VTI1A: variants seen among roughly 807,000 people sequenced by gnomAD.
The protein encoded by VTI1A is vesicle transport through interaction with t-SNAREs 1A, also known as vesicle transport through interaction with t-SNAREs homolog 1A.
Under a neutral mutation model 34.9 loss-of-function variants are expected in VTI1A, and 22 were observed. That is an observed-to-expected ratio of 0.63 (90% CI 0.45 to 0.90). The LOEUF (loss-of-function observed/expected upper bound fraction) is 0.90. VTI1A is among the 40% of genes least tolerant of loss of function. The pLI is 0.00. For missense variants in VTI1A, 268 were observed against 275.6 expected (o/e 0.97, Z 0.20); for synonymous variants, 87 against 97.3 (o/e 0.89, Z 0.62).
intron 5 of VTI1A, among the ~76,000 whole-genome samples, chr10:112,588,709 T>C (rs917759091): frequency 6.6e-6 from 1 of 152,216 alleles, no homozygotes; most frequent in African/African-American, 2.4e-5. Flanking sequence ...TTATTGGCCT[T>C]GCAAGCCCGT....
chr10:112,798,608 A>G lies in VTI1A; in HGVS notation c.561-16682A>G, dbSNP rs897943511. On this transcript the variant is annotated intron_variant, in intron 7 of 7. Transcript: ENST00000393077. ...AATACAGGACCTGAGAGAGTGATCA[A>G]AGGCCACACTACTCCTTGGCAACTA... is the stretch of plus-strand genomic sequence containing the variant. Among the ~76,000 whole-genome samples, 8 of 152,246 alleles carry G rather than the reference A, an allele frequency of 5.3e-5. No individual in the cohort carries two copies. The East Asian group carries it at 1.5e-3, about 29-fold the overall frequency.
chr10:112,625,853 G>A (rs1290863788), intron 5 of VTI1A, among the ~76,000 whole-genome samples: 2 of 151,754 alleles, frequency 1.3e-5, no homozygotes, highest in African/African-American at 4.8e-5. Context: ...CACCACTAAG[G>A]AACTTACTCA....
Position 112,527,049 on chromosome 10 carries a change from G to A in VTI1A, c.265-38G>A, listed in dbSNP as rs752313951. 1.9e-5 allele frequency: 30 copies of A among 1,600,766 alleles called. No individual in the cohort carries two copies. In the Admixed American group the frequency reaches 2.7e-4, roughly 14 times the overall value. ...AGCTTGGAAGCTTTTACTTTCTAAC[G>A]TTCCTCTCACTCTCTCCCTTTTTGT... On this transcript the variant is annotated intron_variant, in intron 3 of 7. Transcript: ENST00000393077.
chr10:112,585,152 A>C (rs1018495511), intron 5 of VTI1A, among the ~76,000 whole-genome samples: 3 of 152,210 alleles, frequency 2.0e-5, no homozygotes, highest in Non-Finnish European at 2.9e-5. Context: ...ACAGAAGAAA[A>C]TGTATGCTAC....
chr10:112,485,821 A>G (rs567771563), intron 3 of VTI1A, among the ~76,000 whole-genome samples: 29 of 152,296 alleles, frequency 1.9e-4, no homozygotes, highest in Admixed American at 8.5e-4. Flanking sequence ...GCCTGTTACC[A>G]TTACTGTTTC....
chr10:112,599,854 C>T lies in VTI1A; in HGVS notation c.427+61524C>T, dbSNP rs7094276. On this transcript the variant is annotated intron_variant, in intron 5 of 7. Transcript: ENST00000393077. ...TCGGCTTCCCAAAGTGCTGGGACTA[C>T]AGGCGTGAGCCACAGTGCCCAGCCC... Among the ~76,000 whole-genome samples the T allele has an allele frequency of 6.2e-3, 938 of 152,296 alleles. 14 individuals are homozygous for T. The highest frequency in any genetic ancestry group is 0.022 in the African/African-American group (904 of 41,554).
intron 7 of VTI1A, among the ~76,000 whole-genome samples, chr10:112,734,798 G>A (rs1409313291): frequency 2.6e-5 from 4 of 151,942 alleles, no homozygotes; most frequent in Non-Finnish European, 5.9e-5. Context: ...GATTACAGGC[G>A]CCTGCCACCA....
At chr10:112,487,362 G>T (rs1848677103) in intron 3 of VTI1A, among the ~76,000 whole-genome samples, 1 of 152,156 alleles carries the variant, frequency 6.6e-6, no homozygotes, top group East Asian at 1.9e-4. Flanking sequence ...GACCTCAAAT[G>T]ATCCACCTGC....
At chr10:112,747,665 TC>T in intron 7 of VTI1A, among the ~76,000 whole-genome samples, 1 of 152,288 alleles carries the variant, frequency 6.6e-6, no homozygotes, top group East Asian at 1.9e-4. Flanking sequence ...TATGTATTGG[TC>T]CCCGAAAGGC....
At chr10:112,542,020 A>T (rs772763598) in intron 5 of VTI1A, among the ~76,000 whole-genome samples, 5 of 152,152 alleles carry the variant, frequency 3.3e-5, no homozygotes, top group African/African-American at 4.8e-5. Flanking sequence ...TACTATTAAT[A>T]GTCAGATATG....
intron 7 of VTI1A, among the ~76,000 whole-genome samples, chr10:112,746,736 A>G (rs1195503393): frequency 6.6e-6 from 1 of 152,196 alleles, no homozygotes; most frequent in African/African-American, 2.4e-5. Flanking sequence ...AATGGAAAAA[A>G]TTCCTAGGGA....
intron 7 of VTI1A, among the ~76,000 whole-genome samples, chr10:112,813,525 G>A (rs1349530840): frequency 6.6e-6 from 1 of 152,208 alleles, no homozygotes; most frequent in African/African-American, 2.4e-5. Context: ...GGGCAAATGG[G>A]ATGTGTAGGG....
intron 3 of VTI1A, among the ~76,000 whole-genome samples, chr10:112,468,779 G>A (rs1847986157): frequency 6.6e-6 from 1 of 152,102 alleles, no homozygotes; most frequent in South Asian, 2.1e-4. Context: ...GTAGTTCTGG[G>A]TTTATATTTC....
intron 7 of VTI1A, among the ~76,000 whole-genome samples, chr10:112,811,307 A>G (rs1325589488): frequency 2.0e-5 from 3 of 152,092 alleles, no homozygotes; most frequent in African/African-American, 7.2e-5. Flanking sequence ...AGAGACAAAC[A>G]CTGGAAGTTA....
chr10:112,846,818 G>C, the VTI1A span, among the ~76,000 whole-genome samples: 1 of 151,948 alleles, frequency 6.6e-6, no homozygotes, highest in Non-Finnish European at 1.5e-5. Flanking sequence ...CTAAGGAACT[G>C]GGTGTTTAAT....
chr10:112,664,683 G>A (rs771224853), intron 5 of VTI1A, among the ~76,000 whole-genome samples: 15 of 152,266 alleles, frequency 9.9e-5, no homozygotes, highest in Middle Eastern at 3.4e-3. Flanking sequence ...CCTTTTGCAC[G>A]TGTGTTTCTC....
downstream of VTI1A, among the ~76,000 whole-genome samples, chr10:112,820,382 C>T (rs1853631862): frequency 6.6e-6 from 1 of 152,250 alleles, no homozygotes; most frequent in Non-Finnish European, 1.5e-5. Flanking sequence ...AACTCAACCT[C>T]ACCCTATGCA....
intron 7 of VTI1A, among the ~76,000 whole-genome samples, chr10:112,765,359 G>A (rs11196095): frequency 0.058 from 8,862 of 152,042 alleles, 801 homozygotes; most frequent in African/African-American, 0.19. Context: ...ACAGGCGCCC[G>A]CCACCACACC....
At chr10:112,609,161 T>C (rs930016209) in intron 5 of VTI1A, among the ~76,000 whole-genome samples, 8 of 152,188 alleles carry the variant, frequency 5.3e-5, no homozygotes, top group Admixed American at 1.3e-4. Context: ...TATACTGTGC[T>C]GCTTAATCCT....
Sources: gnomAD v4.1 joint callset for allele counts (sites outside exome capture counted in the v4.1 genomes callset) on GRCh38, gnomAD v4.1.1 for gene constraint, MANE v1.5 for transcripts, NCBI Gene and HGNC (gene_info 2026-07-23, HGNC 2026-07-21) for gene names.